OXR1: variants seen among roughly 807,000 people sequenced by gnomAD.
OXR1 encodes the protein oxidation resistance 1, also known as oxidation resistance protein 1.
In OXR1, 41 loss-of-function variants were observed where a neutral mutation model predicts 104.6. That is an observed-to-expected ratio of 0.39 (90% CI 0.31 to 0.51). OXR1 has a LOEUF of 0.51. OXR1 is among the 20% of genes least tolerant of loss of function. The pLI, the probability that OXR1 is intolerant of heterozygous loss-of-function variation, is 0.77. For synonymous variants in OXR1, 348 were observed against 348.4 expected (o/e 1.00, Z 0.01); for missense variants, 955 against 1,031.9 (o/e 0.93, Z 1.02).
chr8:106,392,991 G>A (rs1439508067), intron 2 of OXR1, among the ~76,000 whole-genome samples: 1 of 152,098 alleles, frequency 6.6e-6, no homozygotes, highest in African/African-American at 2.4e-5. Flanking sequence ...TCCCCACACG[G>A]GGGATCTGGA....
intron 1 of OXR1, among the ~76,000 whole-genome samples, chr8:106,273,254 AAAG>A (rs555450616): frequency 1.2e-4 from 18 of 152,238 alleles, no homozygotes; most frequent in East Asian, 1.9e-4. Flanking sequence ...GAAAAAAAAA[AAAG>A]AAGAAGAAGA....
intron 1 of OXR1, among the ~76,000 whole-genome samples, chr8:106,291,832 C>T (rs932726799): frequency 6.6e-6 from 1 of 152,146 alleles, no homozygotes; most frequent in African/African-American, 2.4e-5. Flanking sequence ...GGCAAGAGAG[C>T]ATGTGCAGGG....
intron 2 of OXR1, among the ~76,000 whole-genome samples, chr8:106,486,668 A>C (rs1369308644): frequency 6.6e-6 from 1 of 152,004 alleles, no homozygotes; most frequent in Admixed American, 6.6e-5. Flanking sequence ...ATTTTTATTT[A>C]TATTAAGAGT....
intron 2 of OXR1, among the ~76,000 whole-genome samples, chr8:106,366,542 G>A (rs1224421662): frequency 6.6e-6 from 1 of 152,182 alleles, no homozygotes; most frequent in South Asian, 2.1e-4. Flanking sequence ...TTCTGTAAGT[G>A]TATAAAATTA....
chr8:106,284,606 C>T (rs1035387195), intron 1 of OXR1, among the ~76,000 whole-genome samples: 2 of 152,106 alleles, frequency 1.3e-5, no homozygotes, highest in African/African-American at 2.4e-5. Flanking sequence ...GATACATATA[C>T]CATAATACAT....
chr8:106,318,198 C>T (rs73701114), intron 1 of OXR1, among the ~76,000 whole-genome samples: 3,654 of 152,184 alleles, frequency 0.024, 54 homozygotes, highest in South Asian at 0.096. Context: ...TGAGTGTAAA[C>T]ACGTACACAA....
rs549672240 is a variant in OXR1, at chr8:106,297,685, G to A, written c.-139+27318G>A. Among the ~76,000 whole-genome samples, 4 of 152,274 alleles carry A rather than the reference G, an allele frequency of 2.6e-5. No individual in the cohort carries two copies. In the South Asian group the frequency reaches 8.3e-4, roughly 32 times the overall value. ...GTTGACTAAAATGTCATCATGCCAT[G>A]TATGACTGTACCTGCTGTTTGGGGG... On this transcript the variant is annotated intron_variant, in intron 1 of 16. Transcript: ENST00000517566.
At chr8:106,454,558 C>T (rs1253166845) in intron 2 of OXR1, among the ~76,000 whole-genome samples, 1 of 151,850 alleles carries the variant, frequency 6.6e-6, no homozygotes, top group African/African-American at 2.4e-5. Flanking sequence ...GTTTTGATGT[C>T]CATGTATAGG....
At chr8:106,683,943 A>G (rs1196704453) in intron 5 of OXR1, among the ~76,000 whole-genome samples, 2 of 152,232 alleles carry the variant, frequency 1.3e-5, no homozygotes, top group Non-Finnish European at 2.9e-5. Context: ...TAAAGTTACT[A>G]TATCAGAGGA....
At chr8:106,275,679 C>A (rs759946577) in intron 1 of OXR1, among the ~76,000 whole-genome samples, 2 of 152,134 alleles carry the variant, frequency 1.3e-5, no homozygotes, top group Admixed American at 6.5e-5. Context: ...TAAAAACAAA[C>A]TTGCTGCTTA....
At chr8:106,443,854 A>T (rs1408570503) in intron 2 of OXR1, among the ~76,000 whole-genome samples, 1 of 152,206 alleles carries the variant, frequency 6.6e-6, no homozygotes, top group Non-Finnish European at 1.5e-5. Context: ...GGGTCTCATT[A>T]AGCTAAAGAG....
intron 7 of OXR1, chr8:106,697,851 G>T: frequency 6.2e-7 from 1 of 1,612,346 alleles, no homozygotes; most frequent in Non-Finnish European, 8.5e-7. Context: ...CCTTGAGCCA[G>T]TTCTGGAAGT....
At chr8:106,654,881 A>G in intron 3 of OXR1, among the ~76,000 whole-genome samples, 1 of 152,202 alleles carries the variant, frequency 6.6e-6, no homozygotes, top group East Asian at 1.9e-4. Flanking sequence ...ATTATTCACA[A>G]TAGCTGCAAG....
At chr8:106,426,281 C>T (rs1398767612) in intron 2 of OXR1, among the ~76,000 whole-genome samples, 1 of 152,120 alleles carries the variant, frequency 6.6e-6, no homozygotes, top group Non-Finnish European at 1.5e-5. Flanking sequence ...AAATTGATAC[C>T]TGCCTCTAAA....
Position 106,460,003 on chromosome 8 carries a change from A to G in OXR1, c.24-58940A>G, listed in dbSNP as rs1464984904. 2.0e-5 allele frequency among the ~76,000 whole-genome samples: 3 copies of G among 152,160 alleles called. No individual in the cohort carries two copies. In the East Asian group the frequency reaches 5.8e-4, roughly 29 times the overall value. The stretch of plus-strand genomic sequence containing the variant: ...GTCAACTCCTCACAGTCACTTATTC[A>G]TTAATTCATTTACTTGTTTTAAAAT... On this transcript the variant is annotated intron_variant, in intron 2 of 16. Coordinates refer to ENST00000517566, the MANE Select transcript of OXR1 (RefSeq NM_001198533.2).
chr8:106,436,082 C>CA (rs966041863), intron 2 of OXR1, among the ~76,000 whole-genome samples: 1 of 151,240 alleles, frequency 6.6e-6, no homozygotes, highest in Non-Finnish European at 1.5e-5. Context: ...AGTCTAAAAA[C>CA]AAAAACAGAT....
At chr8:106,721,322 T>C (rs1374044717) in intron 11 of OXR1, among the ~76,000 whole-genome samples, 1 of 152,144 alleles carries the variant, frequency 6.6e-6, no homozygotes, top group African/African-American at 2.4e-5. Context: ...CTAATTAAAG[T>C]ATCCAGTTCT....
chr8:106,576,466 C>CAAAAAAAAAAAAAAAAA (rs55917847), intron 3 of OXR1, among the ~76,000 whole-genome samples: 2 of 112,462 alleles, frequency 1.8e-5, no homozygotes, highest in East Asian at 2.5e-4. Flanking sequence ...CACAGTTATT[C>CAAAAAAAAAAAAAAAAA]AAAAAAAAAA....
intron 1 of OXR1, among the ~76,000 whole-genome samples, chr8:106,312,349 G>C (rs1437482646): frequency 6.6e-6 from 1 of 152,206 alleles, no homozygotes; most frequent in Admixed American, 6.5e-5. Context: ...AGCAGTCTTA[G>C]AAGAGTGTCC....
Sources: allele counts gnomAD v4.1 joint callset (sites outside exome capture counted in the v4.1 genomes callset), GRCh38; gene constraint gnomAD v4.1.1; transcripts MANE v1.5; gene names NCBI Gene and HGNC (gene_info 2026-07-23, HGNC 2026-07-21).